The following PAPLN variants were observed in gnomAD, a reference collection of about 807,000 sequenced individuals.
PAPLN encodes the protein papilin, proteoglycan like sulfated glycoprotein.
A neutral mutation model predicts 159.0 loss-of-function variants in PAPLN; 146 were observed. The ratio of observed to expected loss-of-function variants is 0.92; its 90% CI spans 0.80 to 1.05. PAPLN has a LOEUF of 1.05. PAPLN is among the 50% of genes least tolerant of loss of function. The probability of loss-of-function intolerance (pLI) is 0.00; values close to 1 mark genes in which losing one functional copy is unlikely to be tolerated. For synonymous variants in PAPLN, 734 were observed against 702.9 expected, an observed-to-expected ratio of 1.04 and a Z score of -0.70; for missense variants, 1,720 against 1,743.9, an observed-to-expected ratio of 0.99 and a Z score of 0.24.
At chr14:73,253,655 G>T in intron 11 of PAPLN, 99 bp from the exon 12 acceptor site, 1 of 1,144,232 alleles carries the variant, frequency 8.7e-7, no homozygotes. Flanking sequence ...CTGGGGTGGG[G>T]GTCCTCAGGC....
chr14:73,251,975 T>C (rs374969379), intron 9 of PAPLN, 43 bp from the exon 10 acceptor site: 10 of 1,574,928 alleles, frequency 6.3e-6, no homozygotes, highest in Non-Finnish European at 8.6e-6. Context: ...GGTGTGGGAG[T>C]GCTCCCCAGC....
intron 10 of PAPLN, 111 bp from the exon 11 acceptor site, chr14:73,252,538 A>C: frequency 2.1e-6 from 3 of 1,403,664 alleles, no homozygotes; most frequent in Non-Finnish European, 2.8e-6. Context: ...GGGTCATCTA[A>C]GACTGAATGG....
chr14:73,253,943 C>T lies in PAPLN; in HGVS notation c.1284C>T (p.Ser428=). Residue 428 remains serine (S), a synonymous_variant, in exon 12 of 27, where the codon AGC becomes AGT. Transcript: ENST00000644200. ...ACNLQRCAAW[S]PEPWGECSVS... Reference sequence around the variant, plus strand: ...ACCTGCAGCGCTGTGCAGCCTGGAGCCCGGAGCCCTGGGGAGAGGTCAGGC... The same window carrying T: ...ACCTGCAGCGCTGTGCAGCCTGGAGTCCGGAGCCCTGGGGAGAGGTCAGGC... 1.2e-6 allele frequency: 2 copies of T among 1,611,752 alleles called. No individual in the cohort carries two copies. Among genetic ancestry groups the T allele is most frequent in the Non-Finnish European group, 1.7e-6 (2 of 1,179,618 alleles).
chr14:73,263,962 ACCT>A (rs1407431895), intron 20 of PAPLN, 180 bp downstream of exon 20: 2 of 1,146,314 alleles, frequency 1.7e-6, no homozygotes, highest in Non-Finnish European at 2.2e-6. Context: ...CGGCCCCCCG[ACCT>A]CCTCTGACAG....
At chr14:73,272,315 A>G in intron 26 of PAPLN, 180 bp from the exon 27 acceptor site, 2 of 495,602 alleles carry the variant, frequency 4.0e-6, no homozygotes, top group African/African-American at 3.9e-5. Context: ...AAACAGGTAG[A>G]AATCATCATC....
chr14:73,272,652 C>T lies in PAPLN; in HGVS notation c.3825C>T (p.Pro1275=), dbSNP rs1160926391. ...CACGTTTCCAGCCTCACGCTCAGCC[C>T]ATCTGGCAGTAGGGATGAAGGCTAG... The part of the protein sequence containing the change: ...SCSRFQPHAQ[P]IWQ The change falls in exon 27 of 27, where the codon CCC becomes CCT. Residue 1275 remains proline (P), a synonymous_variant. Coordinates refer to ENST00000644200, the MANE Select transcript of PAPLN (RefSeq NM_001365906.3). The T allele has an allele frequency of 1.7e-5, 27 of 1,574,850 alleles. No individual in the cohort carries two copies. The highest frequency in any genetic ancestry group is 2.3e-5 in the Non-Finnish European group (27 of 1,149,780).
chr14:73,249,848 G>A, intron 5 of PAPLN, 136 bp from the exon 6 acceptor site: 1 of 947,468 alleles, frequency 1.1e-6, no homozygotes, highest in Non-Finnish European at 1.5e-6. Flanking sequence ...TGGGGATGGG[G>A]CGGGGATCTG....
At chr14:73,259,658 A>G in intron 16 of PAPLN, 113 bp downstream of exon 16, 1 of 1,304,608 alleles carries the variant, frequency 7.7e-7, no homozygotes, top group Non-Finnish European at 9.9e-7. Context: ...TGCAGAGCTC[A>G]GGAATAGGAT....
intron 5 of PAPLN, among the ~76,000 whole-genome samples, chr14:73,248,404 G>A (rs528915891): frequency 5.8e-4 from 88 of 152,190 alleles, no homozygotes; most frequent in African/African-American, 2.0e-3. Context: ...GGAACACAGG[G>A]GAAAGTCTAA....
chr14:73,257,410 AG>A (rs11377381), intron 14 of PAPLN, among the ~76,000 whole-genome samples: 7 of 151,774 alleles, frequency 4.6e-5, no homozygotes, highest in African/African-American at 7.3e-5. Context: ...GCATTATTTC[AG>A]GGGGGGTCCT....
intron 1 of PAPLN, among the ~76,000 whole-genome samples, chr14:73,239,034 A>G (rs1883254214): frequency 6.6e-6 from 1 of 152,184 alleles, no homozygotes; most frequent in Non-Finnish European, 1.5e-5. Flanking sequence ...AATAGTACAC[A>G]CCAGACTGCA....
chr14:73,266,920 C>A, intron 25 of PAPLN, 89 bp downstream of exon 25: 1 of 1,261,198 alleles, frequency 7.9e-7, no homozygotes. Context: ...ATGTCACTGT[C>A]ACCACTGCTT....
chr14:73,264,097 G>T, intron 20 of PAPLN, 114 bp from the exon 21 acceptor site: 1 of 1,581,622 alleles, frequency 6.3e-7, no homozygotes, highest in Non-Finnish European at 8.6e-7. Context: ...ACTTGGGGTG[G>T]GAGGGTGCTC....
Position 73,245,900 on chromosome 14 carries a change from C to A in PAPLN, c.232-173C>A. The A allele has an allele frequency of 2.3e-6, 2 of 874,020 alleles. No individual in the cohort carries two copies. The highest frequency in any genetic ancestry group is 2.7e-5 in the East Asian group (1 of 36,720). 54.1% of individuals were successfully genotyped at this position (874,020 alleles called of 1,614,324 possible). ...GCCTTGCCCTCCACAGCCTAGAGCACCATGGAGGGGCACGCACAGGAGTTC... is the reference window on the plus strand; with the variant it reads ...GCCTTGCCCTCCACAGCCTAGAGCAACATGGAGGGGCACGCACAGGAGTTC... On this transcript the variant is annotated intron_variant, in intron 4 of 26. Transcript: ENST00000644200. The surrounding 1 kb of genome is among the most constrained non-coding windows in gnomAD (Gnocchi z 4.2).
intron 18 of PAPLN, chr14:73,261,943 G>C: frequency 5.2e-6 from 1 of 193,790 alleles, no homozygotes; most frequent in Non-Finnish European, 1.0e-5. Context: ...GCCCTTGCTG[G>C]GCATCTTCAC....
At position 73,268,638 on chromosome 14, in the gene PAPLN, C is replaced by T. The variant is rs1887439435; in HGVS notation, c.3582C>T (p.Ala1194=). 1 of 1,614,022 alleles carries T rather than the reference C, an allele frequency of 6.2e-7. No individual in the cohort carries two copies. The highest frequency in any genetic ancestry group is 1.3e-5 in the African/African-American group (1 of 75,036). The change falls in exon 26 of 27, where the codon GCC becomes GCT. Residue 1194 remains alanine (A), a synonymous_variant. Transcript: ENST00000644200. The part of the protein sequence containing the change: ...DGTLLIYNLR[A]RDEGSYTCSA... Reference sequence around the variant, plus strand: ...CGCTGCTCATTTACAACTTGCGGGCCAGGGATGAGGGCTCCTACACGTGCA... The same window carrying T: ...CGCTGCTCATTTACAACTTGCGGGCTAGGGATGAGGGCTCCTACACGTGCA...
In PAPLN at chr14:73,245,486, G is replaced by A; in HGVS notation, c.171-150G>A. The A allele has an allele frequency of 1.2e-6, 1 of 804,514 alleles. No individual in the cohort carries two copies. Among genetic ancestry groups the A allele is most frequent in the Admixed American group, 2.7e-5 (1 of 37,624 alleles). The allele number at this position is 804,514 out of a possible 1,614,324, so 49.8% of individuals were successfully genotyped here. On this transcript the variant is annotated intron_variant, in intron 3 of 26. Coordinates refer to ENST00000644200, the MANE Select transcript of PAPLN (RefSeq NM_001365906.3). This position sits in a 1 kb window ranked among gnomAD's most constrained non-coding sequence, Gnocchi z 4.2. ...AACATGGGTCGCTCACTCCCACCTGGGGGATTTACGGGGTGGGGTCGGGGG... is the reference window on the plus strand; with the variant it reads ...AACATGGGTCGCTCACTCCCACCTGAGGGATTTACGGGGTGGGGTCGGGGG...
chr14:73,261,324 G>C, intron 18 of PAPLN, 30 bp downstream of exon 18: 1 of 1,607,928 alleles, frequency 6.2e-7, no homozygotes, highest in Non-Finnish European at 8.5e-7. Flanking sequence ...CCTCCTTCTC[G>C]ATGGGTAGAC....
Position 73,250,980 on chromosome 14 carries a change from C to A in PAPLN, c.539C>A (p.Thr180Lys), listed in dbSNP as rs370335884. The A allele has an allele frequency of 6.2e-7, 1 of 1,613,620 alleles. No homozygotes were observed. The highest frequency in any genetic ancestry group is 8.5e-7 in the Non-Finnish European group (1 of 1,179,852). Residue 180 changes from threonine to lysine, a missense_variant, in exon 7 of 27, where the codon ACG becomes AAG. Thr to Lys is a moderately conservative substitution (Grantham distance 78). Coordinates refer to ENST00000644200, the MANE Select transcript of PAPLN (RefSeq NM_001365906.3). ...TGTCTGCGGTGTGGGGGTGACGGCA[C>A]GACCTGCTACCCCGTCGCAGGCACC... ...DKCLRCGGDG[T>K]TCYPVAGTFD...
Sources: gnomAD v4.1 joint callset for allele counts (sites outside exome capture counted in the v4.1 genomes callset) on GRCh38, gnomAD v4.1.1 for gene constraint, Gnocchi (gnomAD v3.1) non-coding constraint, MANE v1.5 for transcripts, NCBI Gene and HGNC (gene_info 2026-07-23, HGNC 2026-07-21) for gene names.